CACNA2D3: variants seen among roughly 807,000 people sequenced by gnomAD.
The protein encoded by CACNA2D3 is calcium voltage-gated channel auxiliary subunit alpha2delta 3, also known as voltage-dependent calcium channel subunit alpha-2/delta-3.
In CACNA2D3, 60 loss-of-function variants were observed where a neutral mutation model predicts 160.6. That is an observed-to-expected ratio of 0.37 (90% CI 0.30 to 0.46). The LOEUF is 0.46. CACNA2D3 is among the 20% of genes least tolerant of loss of function. CACNA2D3 has a pLI of 1.00. For missense variants in CACNA2D3, 1,205 were observed against 1,365.0 expected (o/e 0.88, Z 1.85); for synonymous variants, 558 against 492.9 (o/e 1.13, Z -1.75).
intron 27 of CACNA2D3, among the ~76,000 whole-genome samples, chr3:54,916,627 A>G (rs1328337885): frequency 2.6e-5 from 4 of 152,188 alleles, no homozygotes; most frequent in East Asian, 1.9e-4. Flanking sequence ...CACACTAGCT[A>G]TGAAGCACCA....
At chr3:54,585,714 T>G (rs1408522561) in intron 9 of CACNA2D3, among the ~76,000 whole-genome samples, 1 of 152,082 alleles carries the variant, frequency 6.6e-6, no homozygotes, top group Admixed American at 6.5e-5. Flanking sequence ...CTCATGAAAT[T>G]TGCTCAGTAT....
At chr3:54,866,653 A>G (rs1699407567) in intron 17 of CACNA2D3, among the ~76,000 whole-genome samples, 1 of 152,202 alleles carries the variant, frequency 6.6e-6, no homozygotes, top group Non-Finnish European at 1.5e-5. Context: ...CAGAACACAG[A>G]AAGAGCAAAG....
At chr3:54,896,899 G>C in intron 26 of CACNA2D3, 29 bp downstream of exon 26, 1 of 1,613,648 alleles carries the variant, frequency 6.2e-7, no homozygotes. Flanking sequence ...GGCGGGCTCT[G>C]TCTGTCTGGT....
At chr3:54,729,782 G>A (rs1004425700) in intron 11 of CACNA2D3, among the ~76,000 whole-genome samples, 1 of 152,024 alleles carries the variant, frequency 6.6e-6, no homozygotes, top group Admixed American at 6.6e-5. Flanking sequence ...GGTGGATCAC[G>A]AGGTCAGGAG....
At chr3:54,809,026 A>T (rs1448092976) in intron 13 of CACNA2D3, among the ~76,000 whole-genome samples, 1 of 152,076 alleles carries the variant, frequency 6.6e-6, no homozygotes, top group Non-Finnish European at 1.5e-5. Flanking sequence ...CATTAATCTC[A>T]TGAAATAATG....
chr3:54,566,403 C>A (rs1430152248), intron 6 of CACNA2D3, among the ~76,000 whole-genome samples: 1 of 152,204 alleles, frequency 6.6e-6, no homozygotes, highest in African/African-American at 2.4e-5. Context: ...ACAGTCATCC[C>A]TTTTCCTGTG....
intron 4 of CACNA2D3, among the ~76,000 whole-genome samples, chr3:54,453,319 T>C (rs1214409973): frequency 6.6e-6 from 1 of 152,184 alleles, no homozygotes; most frequent in Admixed American, 6.6e-5. Flanking sequence ...ACAGCGGTTA[T>C]ATTGGATTTA....
chr3:54,293,563 T>TTCTATA (rs1553783373), intron 2 of CACNA2D3, among the ~76,000 whole-genome samples: 1 of 149,724 alleles, frequency 6.7e-6, no homozygotes, highest in Non-Finnish European at 1.5e-5. Flanking sequence ...TAATATTCTA[T>TTCTATA]TATATATATA....
At position 54,601,876 on chromosome 3, in the gene CACNA2D3, G is replaced by C. The variant is rs144838594; in HGVS notation, c.963+19999G>C. Among the ~76,000 whole-genome samples, 880 of 152,010 alleles carry C rather than the reference G, an allele frequency of 5.8e-3. 14 individuals are homozygous for C. Among genetic ancestry groups the C allele is most frequent in the African/African-American group, 0.021 (857 of 41,474 alleles). The stretch of plus-strand genomic sequence containing the variant: ...TATTTTTTGCTGATGTTTGACACTG[G>C]CTAATTTTAATAGCTAGCACATCAA... On this transcript the variant is annotated intron_variant, in intron 9 of 37. Transcript: ENST00000474759.
At chr3:54,293,245 TG>T (rs2107480239) in intron 2 of CACNA2D3, among the ~76,000 whole-genome samples, 1 of 152,300 alleles carries the variant, frequency 6.6e-6, no homozygotes, top group Admixed American at 6.5e-5. Flanking sequence ...AGGTGGTGTT[TG>T]GTTACATGAA....
intron 27 of CACNA2D3, among the ~76,000 whole-genome samples, chr3:54,949,715 G>T (rs1701707794): frequency 6.6e-6 from 1 of 152,160 alleles, no homozygotes; most frequent in Non-Finnish European, 1.5e-5. Context: ...GAAAAATTCA[G>T]AACTGGTTTT....
intron 8 of CACNA2D3, among the ~76,000 whole-genome samples, chr3:54,570,567 C>T (rs1214616764): frequency 1.3e-5 from 2 of 152,086 alleles, no homozygotes; most frequent in Non-Finnish European, 2.9e-5. Flanking sequence ...TTATGGCTCA[C>T]AGAACACTTT....
chr3:54,512,186 C>T (rs1701469985), intron 5 of CACNA2D3, among the ~76,000 whole-genome samples: 1 of 152,118 alleles, frequency 6.6e-6, no homozygotes, highest in African/African-American at 2.4e-5. Flanking sequence ...TAGCCAGGTG[C>T]CCTGGCCAGC....
chr3:54,306,579 A>G (rs1239831048), intron 2 of CACNA2D3, among the ~76,000 whole-genome samples: 1 of 152,184 alleles, frequency 6.6e-6, no homozygotes, highest in Non-Finnish European at 1.5e-5. Context: ...GTGAGTGGTG[A>G]GAAGGACCAT....
chr3:54,641,822 T>C (rs2106845824), intron 10 of CACNA2D3, among the ~76,000 whole-genome samples: 1 of 152,324 alleles, frequency 6.6e-6, no homozygotes, highest in Non-Finnish European at 1.5e-5. Context: ...TGTCTGACCC[T>C]TCCCCCACTT....
intron 3 of CACNA2D3, among the ~76,000 whole-genome samples, chr3:54,326,048 T>C (rs1704114093): frequency 6.6e-6 from 1 of 152,236 alleles, no homozygotes; most frequent in Admixed American, 6.5e-5. Context: ...ATTCCCATTA[T>C]AGCTTTACTG....
chr3:54,369,578 T>C (rs998458593), intron 3 of CACNA2D3, among the ~76,000 whole-genome samples: 5 of 152,210 alleles, frequency 3.3e-5, no homozygotes, highest in Admixed American at 2.6e-4. Context: ...CTTAGACTGA[T>C]GGTCCAGGCT....
Position 55,052,160 on chromosome 3 carries a change from C to A in CACNA2D3, c.2988-21285C>A, listed in dbSNP as rs150741481. The stretch of plus-strand genomic sequence containing the variant: ...CTTTTCATTAAATTCAAAATATTTT[C>A]TCATTTTCCTTATGGCTTCCTCTTT... On this transcript the variant is annotated intron_variant, in intron 35 of 37. Coordinates refer to ENST00000474759, the MANE Select transcript of CACNA2D3 (RefSeq NM_018398.3). 4.8e-3 allele frequency among the ~76,000 whole-genome samples: 738 copies of A among 152,276 alleles called. 11 individuals are homozygous for A. The highest frequency in any genetic ancestry group is 0.017 in the African/African-American group (699 of 41,568).
chr3:54,832,011 TCACACACACACACA>T (rs60020847), intron 14 of CACNA2D3, among the ~76,000 whole-genome samples: 214 of 118,952 alleles, frequency 1.8e-3, no homozygotes, highest in African/African-American at 4.9e-3. Flanking sequence ...CTCTTCTCTG[TCACACACACACACA>T]CACACACACA....
Sources: allele counts gnomAD v4.1 joint callset (sites outside exome capture counted in the v4.1 genomes callset), GRCh38; gene constraint gnomAD v4.1.1; transcripts MANE v1.5; gene names NCBI Gene and HGNC (gene_info 2026-07-23, HGNC 2026-07-21).